Variants in RORC observed in about 807,000 individuals in gnomAD.
The protein encoded by RORC is nuclear receptor ROR-gamma.
Under a neutral mutation model 64.5 loss-of-function variants are expected in RORC, and 13 were observed. The observed-to-expected ratio is 0.20, with a 90% CI of 0.13 to 0.32. The LOEUF is 0.32. Among genes scored for constraint, RORC ranks in the 10% least tolerant of loss-of-function variants. RORC has a pLI of 1.00. For missense variants in RORC, 468 were observed against 669.5 expected, an observed-to-expected ratio of 0.70 and a Z score of 3.32; for synonymous variants, 277 against 259.3, an observed-to-expected ratio of 1.07 and a Z score of -0.65.
Position 151,807,395 on chromosome 1 carries a change from A to C in RORC, c.*77T>G. ...ACCCTCCAGGGTTCATGGGAAAGGAAAAGGGTGAGGGTGGAACGGGGTCCA... is the reference window on the plus strand; with the variant it reads ...ACCCTCCAGGGTTCATGGGAAAGGACAAGGGTGAGGGTGGAACGGGGTCCA... On this transcript the variant is annotated 3_prime_UTR_variant, in exon 11 of 11. Coordinates refer to ENST00000318247, the MANE Select transcript of RORC (RefSeq NM_005060.4). The surrounding 1 kb of genome is among the most constrained non-coding windows in gnomAD (Gnocchi z 5.0). 6.8e-7 allele frequency: 1 copy of C among 1,467,254 alleles called. No individual in the cohort carries two copies. The highest frequency in any genetic ancestry group is 2.3e-5 in the East Asian group (1 of 43,366). The allele number at this position is 1,467,254 out of a possible 1,614,324, so 90.9% of individuals were successfully genotyped here. A position where few individuals can be genotyped will look rare whatever the true frequency, so the allele number is the denominator to read the frequency against.
chr1:151,812,170 G>A (rs1352535826), intron 9 of RORC: 1 of 152,182 alleles, frequency 6.6e-6, no homozygotes, highest in African/African-American at 2.4e-5. Flanking sequence ...GGGGGTGGCT[G>A]TTAAAATTCA....
rs1652347246 is a variant in RORC, at chr1:151,830,112, G to A, written c.41-654C>T. On this transcript the variant is annotated intron_variant, in intron 1 of 10. Transcript: ENST00000318247. The surrounding 1 kb of genome is among the most constrained non-coding windows in gnomAD (Gnocchi z 4.0). ...TTCAGAGATGTGGGGGTTGGGAGTA[G>A]GGGGAGAGGATGTTTGGAGGAAGAG... 6.6e-6 allele frequency among the ~76,000 whole-genome samples: 1 copy of A among 152,198 alleles called. No homozygotes were observed.
At position 151,817,189 on chromosome 1, in the gene RORC, A is replaced by C; in HGVS notation, c.156+6T>G. 1 of 1,608,954 alleles carries C rather than the reference A, an allele frequency of 6.2e-7. No individual in the cohort carries two copies. Among genetic ancestry groups the C allele is most frequent in the Non-Finnish European group, 8.5e-7 (1 of 1,175,664 alleles). On this transcript the variant is annotated splice_donor_region_variant and intron_variant, in intron 3 of 10. Transcript: ENST00000318247. The stretch of plus-strand genomic sequence containing the variant: ...ACATGCATGCATACACATGCCTATG[A>C]CTCACCTTGCACCCCTCACAGGTGA...
At chr1:151,825,272 CCA>C (rs961345005) in intron 2 of RORC, among the ~76,000 whole-genome samples, 23 of 151,932 alleles carry the variant, frequency 1.5e-4, no homozygotes, top group Non-Finnish European at 2.9e-5. Context: ...CACACACACC[CCA>C]CACACACACG....
intron 1 of RORC, 65 bp downstream of exon 1, chr1:151,831,660 T>C: frequency 1.9e-6 from 3 of 1,608,676 alleles, no homozygotes; most frequent in African/African-American, 1.3e-5. Flanking sequence ...TCTCTTGCCA[T>C]TTCTGCCCTC....
chr1:151,829,596 T>G, intron 1 of RORC, 138 bp from the exon 2 acceptor site: 3 of 716,684 alleles, frequency 4.2e-6, no homozygotes, highest in Non-Finnish European at 6.6e-6. Flanking sequence ...GGCCACCCCC[T>G]GCAGTGCCCC....
chr1:151,831,689 C>G, intron 1 of RORC, 36 bp downstream of exon 1: 12 of 1,610,662 alleles, frequency 7.5e-6, no homozygotes, highest in Non-Finnish European at 1.0e-5. Flanking sequence ...CTCCAGCAGT[C>G]TCTTCCACCT....
intron 2 of RORC, among the ~76,000 whole-genome samples, chr1:151,822,083 G>T (rs1265911886): frequency 6.6e-6 from 1 of 151,898 alleles, no homozygotes; most frequent in Non-Finnish European, 1.5e-5. Flanking sequence ...ATGAATGAGT[G>T]AGAAAGAGGA....
Position 151,831,743 on chromosome 1 carries a change from G to A in RORC, c.22C>T (p.Gln8Ter). The change falls in exon 1 of 11, where the codon CAG becomes TAG. Residue 8 changes from glutamine to a stop codon, truncating the protein, a stop_gained. Coordinates refer to ENST00000318247, the MANE Select transcript of RORC (RefSeq NM_005060.4). LOFTEE classifies it high-confidence loss of function. ...CTCTTACCCCGTGAGGCTCGGTGCTGTCTCTGTGGGGCCCTGTCCATGGGG... is the reference window on the plus strand; with the variant it reads ...CTCTTACCCCGTGAGGCTCGGTGCTATCTCTGTGGGGCCCTGTCCATGGGG... MDRAPQR[Q>*]HRASRELLAA... The A allele has an allele frequency of 6.2e-7, 1 of 1,610,400 alleles. No individual in the cohort carries two copies.
At chr1:151,820,601 T>C (rs1187799731) in intron 2 of RORC, among the ~76,000 whole-genome samples, 7 of 152,156 alleles carry the variant, frequency 4.6e-5, no homozygotes, top group African/African-American at 1.7e-4. Context: ...TGCAGCTCTC[T>C]CACTGTAGCT....
rs769650863 is a variant in RORC, at chr1:151,815,319, C to T, written c.405G>A (p.Lys135=). The T allele has an allele frequency of 1.2e-6, 2 of 1,604,808 alleles. No individual in the cohort carries two copies. The highest frequency in any genetic ancestry group is 2.2e-5 in the South Asian group (2 of 90,206). Residue 135 remains lysine, a synonymous_variant, in exon 5 of 11, where the codon AAG becomes AAA. Transcript: ENST00000318247. The part of the protein sequence containing the change: ...RQQQQQEPVV[K]TPPAGAQGAD... ...CTCCTTGGGCCCCTGCTGGAGGGGT[C>T]TTGACCACTGGTTCCTGTTGCTGCT...
intron 8 of RORC, 80 bp from the exon 9 acceptor site, chr1:151,813,137 G>T: frequency 1.4e-6 from 2 of 1,447,160 alleles, no homozygotes; most frequent in Non-Finnish European, 1.9e-6. Context: ...TGTGTTTAGA[G>T]CAGAGGGGGC....
At position 151,813,071 on chromosome 1, in the gene RORC, A is replaced by G; in HGVS notation, c.1175-14T>C. The G allele has an allele frequency of 6.3e-7, 1 of 1,599,116 alleles. No homozygotes were observed. Among genetic ancestry groups the G allele is most frequent in the East Asian group, 2.2e-5 (1 of 44,800 alleles). ...GCTCGCTGCAGCCTGATGGAGTGGA[A>G]ATGAGAAAAGTGAGAGAGTGGCTGG... On this transcript the variant is annotated splice_polypyrimidine_tract_variant and intron_variant, in intron 8 of 10. Transcript: ENST00000318247.
chr1:151,807,792 G>C lies in RORC; in HGVS notation c.1396-159C>G, dbSNP rs1248591750. Among the ~76,000 whole-genome samples, 1 of 152,244 alleles carries C rather than the reference G, an allele frequency of 6.6e-6. No homozygotes were observed. Among genetic ancestry groups the C allele is most frequent in the Non-Finnish European group, 1.5e-5 (1 of 68,046 alleles). On this transcript the variant is annotated intron_variant, in intron 10 of 10. Coordinates refer to ENST00000318247, the MANE Select transcript of RORC (RefSeq NM_005060.4). This position sits in a 1 kb window ranked among gnomAD's most constrained non-coding sequence, Gnocchi z 5.0. ...CCAAATCCCACTGGTAGAAGTACGT[G>C]TGTGTTCAGGACACTGGAGGGAAGT...
At chr1:151,808,761 AT>A (rs1651407882) in intron 10 of RORC, among the ~76,000 whole-genome samples, 1 of 152,220 alleles carries the variant, frequency 6.6e-6, no homozygotes, top group Non-Finnish European at 1.5e-5. Context: ...GAAAATAAAT[AT>A]GTAGTGTATC....
chr1:151,826,071 G>A, intron 2 of RORC: 1 of 1,519,478 alleles, frequency 6.6e-7, no homozygotes, highest in South Asian at 1.3e-5. Flanking sequence ...TCTGCACCTA[G>A]CTCTCTCCCC....
At chr1:151,819,847 T>C (rs146031190) in intron 2 of RORC, among the ~76,000 whole-genome samples, 2,393 of 152,200 alleles carry the variant, frequency 0.016, 29 homozygotes, top group Non-Finnish European at 0.026. Flanking sequence ...ACCAAAGCCT[T>C]GGACTCCAGC....
In RORC at chr1:151,831,694, C is replaced by T. The variant is rs780586903; in HGVS notation, c.40+31G>A. On this transcript the variant is annotated intron_variant, in intron 1 of 10. Transcript: ENST00000318247. ...TCCTCTGAACCTCCAGCAGTCTCTT[C>T]CACCTGCAGGCAGGGCCATGGGCCT... 3.7e-6 allele frequency: 6 copies of T among 1,610,756 alleles called. No homozygotes were observed. The African/African-American group carries it at 4.0e-5, about 11-fold the overall frequency.
At chr1:151,819,402 G>A (rs189979037) in intron 2 of RORC, among the ~76,000 whole-genome samples, 193 of 152,348 alleles carry the variant, frequency 1.3e-3, no homozygotes, top group African/African-American at 4.5e-3. Flanking sequence ...GTCAGGCTGA[G>A]AAGACCAGTG....
Sources: gnomAD v4.1 joint callset for allele counts (sites outside exome capture counted in the v4.1 genomes callset) on GRCh38, gnomAD v4.1.1 for gene constraint, Gnocchi (gnomAD v3.1) non-coding constraint, MANE v1.5 for transcripts, NCBI Gene and HGNC (gene_info 2026-07-23, HGNC 2026-07-21) for gene names.